RASGRF1: variants seen among roughly 807,000 people sequenced by gnomAD.
RASGRF1 encodes the protein ras-specific guanine nucleotide-releasing factor 1.
A neutral mutation model predicts 138.7 loss-of-function variants in RASGRF1; 40 were observed. That is an observed-to-expected ratio of 0.29 (90% CI 0.22 to 0.38). RASGRF1 has a LOEUF of 0.38. Ranked by LOEUF, RASGRF1 falls within the 10% of genes least tolerant of loss-of-function variation. The pLI, the probability that RASGRF1 is intolerant of heterozygous loss-of-function variation, is 1.00. For missense variants in RASGRF1, 1,108 were observed against 1,650.4 expected, an observed-to-expected ratio of 0.67 and a Z score of 5.69; for synonymous variants, 614 against 663.2, an observed-to-expected ratio of 0.93 and a Z score of 1.14.
At position 78,990,182 on chromosome 15, in the gene RASGRF1, T is replaced by C; in HGVS notation, c.3216+7A>G. On this transcript the variant is annotated splice_region_variant and intron_variant, in intron 22 of 26. Transcript: ENST00000558480. ...CCAGTGAGAGAGGCGCTCCCATCCATACTCACGTCATTGAAGTGCTTAGTG... is the reference window on the plus strand; with the variant it reads ...CCAGTGAGAGAGGCGCTCCCATCCACACTCACGTCATTGAAGTGCTTAGTG... 1 of 1,576,938 alleles carries C rather than the reference T, an allele frequency of 6.3e-7. No homozygotes were observed. Among genetic ancestry groups the C allele is most frequent in the Non-Finnish European group, 8.7e-7 (1 of 1,146,190 alleles).
intron 2 of RASGRF1, among the ~76,000 whole-genome samples, chr15:79,060,354 C>T (rs925560090): frequency 6.6e-6 from 1 of 152,230 alleles, no homozygotes; most frequent in Non-Finnish European, 1.5e-5. Flanking sequence ...CCCATCATTC[C>T]ACCATTGTCC....
At chr15:79,090,169 C>G (rs1333186190) in intron 1 of RASGRF1, 54 bp downstream of exon 1, 7 of 1,513,238 alleles carry the variant, frequency 4.6e-6, no homozygotes, top group Middle Eastern at 2.4e-4. Context: ...AGGCCCTGAG[C>G]CCCCAGGGCC....
intron 20 of RASGRF1, among the ~76,000 whole-genome samples, chr15:78,992,460 G>C (rs1208490413): frequency 2.0e-5 from 3 of 152,248 alleles, no homozygotes; most frequent in African/African-American, 7.2e-5. Context: ...CACGGCAGGA[G>C]ATGGATGAGT....
intron 13 of RASGRF1, 70 bp downstream of exon 13, chr15:79,015,257 C>T (rs1201943107): frequency 6.8e-7 from 1 of 1,480,640 alleles, no homozygotes; most frequent in African/African-American, 1.4e-5. Flanking sequence ...ATCCCAGTGT[C>T]CTGGCTGTCA....
chr15:79,004,208 A>C (rs1192924495), intron 14 of RASGRF1, 33 bp from the exon 15 acceptor site: 1 of 1,523,844 alleles, frequency 6.6e-7, no homozygotes, highest in African/African-American at 1.4e-5. Context: ...AATGACAGTT[A>C]GCGTAGGCCT....
chr15:78,984,393 C>T (rs1046638159), intron 23 of RASGRF1: 1 of 160,534 alleles, frequency 6.2e-6, no homozygotes, highest in Non-Finnish European at 1.4e-5. Flanking sequence ...CCAATGCAGG[C>T]AACTTCATTC....
intron 22 of RASGRF1, among the ~76,000 whole-genome samples, chr15:78,989,152 C>T (rs780974299): frequency 7.9e-5 from 12 of 152,354 alleles, no homozygotes; most frequent in South Asian, 2.1e-4. Flanking sequence ...TGGGACCTGT[C>T]TGCCCCCCAG....
At chr15:78,969,410 C>T (rs577019656) in intron 26 of RASGRF1, among the ~76,000 whole-genome samples, 1 of 152,162 alleles carries the variant, frequency 6.6e-6, no homozygotes, top group African/African-American at 2.4e-5. Flanking sequence ...CTAGGTCATG[C>T]CTGTAATCCC....
At position 78,973,295 on chromosome 15, in the gene RASGRF1, G is replaced by A. The variant is rs1187679512; in HGVS notation, c.3612+8C>T. The A allele has an allele frequency of 1.3e-6, 2 of 1,593,244 alleles. No homozygotes were observed. The highest frequency in any genetic ancestry group is 1.3e-5 in the African/African-American group (1 of 74,410). ...CCCCCTTCCCCTGCCTGGCTGGGGG[G>A]AACGCACCATCCTCATCTTGGAGAA... On this transcript the variant is annotated splice_region_variant and intron_variant, in intron 25 of 26. Transcript: ENST00000558480. The surrounding 1 kb of genome is among the most constrained non-coding windows in gnomAD (Gnocchi z 4.9).
In RASGRF1 at chr15:79,015,311, G is replaced by A; in HGVS notation, c.1826+16C>T. ...CTGGAATGCTGCCTGGTCAAGATGG[G>A]GTTAAGGGCACTTACTTGATCATCT... On this transcript the variant is annotated intron_variant, in intron 13 of 26. Transcript: ENST00000558480. 1 of 1,604,948 alleles carries A rather than the reference G, an allele frequency of 6.2e-7. No individual in the cohort carries two copies. Among genetic ancestry groups the A allele is most frequent in the Non-Finnish European group, 8.5e-7 (1 of 1,171,604 alleles).
At chr15:78,966,479 A>G (rs1428056988) in intron 26 of RASGRF1, among the ~76,000 whole-genome samples, 1 of 152,152 alleles carries the variant, frequency 6.6e-6, no homozygotes, top group South Asian at 2.1e-4. Context: ...GCCTCAAGCA[A>G]TTCTCCTGTC....
chr15:79,068,433 G>A (rs1462441861), intron 1 of RASGRF1, among the ~76,000 whole-genome samples: 1 of 150,940 alleles, frequency 6.6e-6, no homozygotes, highest in Non-Finnish European at 1.5e-5. Flanking sequence ...TCTATGAAAT[G>A]GGGAGTTAAA....
At chr15:79,053,821 G>A (rs1479177295) in intron 3 of RASGRF1, among the ~76,000 whole-genome samples, 1 of 152,168 alleles carries the variant, frequency 6.6e-6, no homozygotes, top group Admixed American at 6.5e-5. Flanking sequence ...AGGGCCCAAT[G>A]GTTGGTTTAA....
chr15:79,032,380 C>T lies in RASGRF1; in HGVS notation c.959-64G>A. On this transcript the variant is annotated intron_variant, in intron 6 of 26. Coordinates refer to ENST00000558480, the MANE Select transcript of RASGRF1 (RefSeq NM_001145648.3). This position sits in a 1 kb window ranked among gnomAD's most constrained non-coding sequence, Gnocchi z 4.5. ...TTGGTGGGGACAGAATCCCCTAGGC[C>T]CTTGGCTCCCCCAGCTACACCCAGA... 1 of 1,499,852 alleles carries T rather than the reference C, an allele frequency of 6.7e-7. No individual in the cohort carries two copies. The highest frequency in any genetic ancestry group is 9.2e-7 in the Non-Finnish European group (1 of 1,090,884). The allele number at this position is 1,499,852 out of a possible 1,614,324, so 92.9% of individuals were successfully genotyped here.
chr15:79,071,364 CTTTTTTT>C (rs71451741), intron 1 of RASGRF1, among the ~76,000 whole-genome samples: 1 of 141,956 alleles, frequency 7.0e-6, no homozygotes, highest in Non-Finnish European at 1.5e-5. Context: ...TTTCTTTTTT[CTTTTTTT>C]TTTTTTGAGT....
Position 79,090,603 on chromosome 15 carries a change from G to T in RASGRF1, c.-105C>A, listed in dbSNP as rs533779016. The T allele has an allele frequency of 7.0e-5, 101 of 1,446,268 alleles. No individual in the cohort carries two copies. In the African/African-American group the frequency reaches 1.1e-3, roughly 16 times the overall value. The allele number at this position is 1,446,268 out of a possible 1,614,324, so 89.6% of individuals were successfully genotyped here. Reference sequence around the variant, plus strand: ...GCCTCTCTCTGGCGCTCGCTCGCTCGCTCCCTCTAGCTCTCCCCTCCCCCC... The same window carrying T: ...GCCTCTCTCTGGCGCTCGCTCGCTCTCTCCCTCTAGCTCTCCCCTCCCCCC... On this transcript the variant is annotated 5_prime_UTR_variant, in exon 1 of 27. Transcript: ENST00000558480.
chr15:79,047,438 G>A (rs2057370249), intron 4 of RASGRF1, among the ~76,000 whole-genome samples: 1 of 152,184 alleles, frequency 6.6e-6, no homozygotes, highest in Non-Finnish European at 1.5e-5. Context: ...AGGGTTGCAG[G>A]GCCTTGCTGG....
At chr15:79,047,475 A>T (rs2057370549) in intron 4 of RASGRF1, among the ~76,000 whole-genome samples, 1 of 152,246 alleles carries the variant, frequency 6.6e-6, no homozygotes, top group African/African-American at 2.4e-5. Context: ...GTCTTGTCTA[A>T]TGACTTGCCT....
chr15:79,026,131 A>G (rs1449609820), intron 9 of RASGRF1, among the ~76,000 whole-genome samples: 4 of 151,926 alleles, frequency 2.6e-5, no homozygotes, highest in Non-Finnish European at 5.9e-5. Context: ...ACCCTAATAC[A>G]TACCCTTCAG....
Sources: allele counts gnomAD v4.1 joint callset (sites outside exome capture counted in the v4.1 genomes callset), GRCh38; gene constraint gnomAD v4.1.1; non-coding constraint Gnocchi (gnomAD v3.1); transcripts MANE v1.5; gene names NCBI Gene and HGNC (gene_info 2026-07-23, HGNC 2026-07-21).